The following PTPRK variants were observed in gnomAD, a reference collection of about 807,000 sequenced individuals.
PTPRK encodes the protein protein tyrosine phosphatase receptor type K, also known as receptor-type tyrosine-protein phosphatase kappa.
A neutral mutation model predicts 178.0 loss-of-function variants in PTPRK; 75 were observed. The observed-to-expected ratio is 0.42, with a 90% CI of 0.35 to 0.51. The LOEUF is 0.51. Among genes scored for constraint, PTPRK ranks in the 20% least tolerant of loss-of-function variants. The pLI, the probability that PTPRK is intolerant of heterozygous loss-of-function variation, is 0.02. For synonymous variants in PTPRK, 637 were observed against 620.6 expected (o/e 1.03, Z -0.39); for missense variants, 1,441 against 1,797.8 (o/e 0.80, Z 3.59).
Position 128,009,279 on chromosome 6 carries a change from A to G in PTPRK, c.2195-11T>C, listed in dbSNP as rs772709163. On this transcript the variant is annotated splice_polypyrimidine_tract_variant and intron_variant, in intron 13 of 29. Transcript: ENST00000368226. ...CTTCTGTTGCTGCTGCTAAATGGAT[A>G]AAAAAAAAAATCAGTTACTGAAAGA... 3.3e-6 allele frequency: 3 copies of G among 917,610 alleles called. No individual in the cohort carries two copies. The highest frequency in any genetic ancestry group is 4.2e-5 in the East Asian group (1 of 24,010). 56.8% of individuals were successfully genotyped at this position (917,610 alleles called of 1,614,324 possible). A position where few individuals can be genotyped will look rare whatever the true frequency, so the allele number is the denominator to read the frequency against.
At chr6:128,447,355 G>A (rs1847163902) in intron 1 of PTPRK, among the ~76,000 whole-genome samples, 1 of 152,200 alleles carries the variant, frequency 6.6e-6, no homozygotes, top group Non-Finnish European at 1.5e-5. Flanking sequence ...TCCACCATAT[G>A]TCAGGCACCA....
chr6:128,294,772 CAA>C (rs1336625673), intron 3 of PTPRK, among the ~76,000 whole-genome samples: 2 of 152,016 alleles, frequency 1.3e-5, no homozygotes, highest in Non-Finnish European at 2.9e-5. Context: ...ATGCTAAGTG[CAA>C]AGTTTCCATA....
intron 3 of PTPRK, among the ~76,000 whole-genome samples, chr6:128,292,398 A>T (rs575030272): frequency 4.6e-5 from 7 of 152,248 alleles, no homozygotes; most frequent in African/African-American, 1.4e-4. Flanking sequence ...GAATATTTTT[A>T]AAATATATTA....
At chr6:128,321,528 T>C (rs1416880395) in intron 3 of PTPRK, 2 of 374,108 alleles carry the variant, frequency 5.3e-6, no homozygotes, top group Admixed American at 4.5e-5. Flanking sequence ...ATTTATTCAA[T>C]TAATTAATCA....
intron 3 of PTPRK, among the ~76,000 whole-genome samples, chr6:128,264,161 G>A (rs528250949): frequency 5.3e-5 from 8 of 152,240 alleles, no homozygotes; most frequent in African/African-American, 1.4e-4. Context: ...TCCAGTTAAC[G>A]AAGAAGATGC....
rs1470064505 is a variant in PTPRK at position 127,969,212 on chromosome 6, A to G, written c.*1015T>C. On this transcript the variant is annotated 3_prime_UTR_variant, in exon 30 of 30. Transcript: ENST00000368226. ...AAAATTTAAATGATGCTTAAAGGCTATGTTCAACATTGTGCAAGTTGTCAG... is the reference window on the plus strand; with the variant it reads ...AAAATTTAAATGATGCTTAAAGGCTGTGTTCAACATTGTGCAAGTTGTCAG... 1 of 152,200 alleles carries G rather than the reference A, an allele frequency of 6.6e-6. No homozygotes were observed. The highest frequency in any genetic ancestry group is 1.5e-5 in the Non-Finnish European group (1 of 68,028). 9.4% of individuals were successfully genotyped at this position (152,200 alleles called of 1,614,324 possible). A position where few individuals can be genotyped will look rare whatever the true frequency, so the allele number is the denominator to read the frequency against.
intron 27 of PTPRK, 115 bp from the exon 28 acceptor site, chr6:127,973,942 G>A (rs1774223319): frequency 3.0e-6 from 3 of 1,001,008 alleles, no homozygotes; most frequent in African/African-American, 1.6e-5. Flanking sequence ...GAGTCTAGCT[G>A]ATATAAATCC....
chr6:128,337,696 C>G (rs1190360928), intron 2 of PTPRK, among the ~76,000 whole-genome samples: 1 of 152,134 alleles, frequency 6.6e-6, no homozygotes, highest in Non-Finnish European at 1.5e-5. Context: ...TGCAGCATCA[C>G]ACGAGTAATC....
At chr6:128,405,171 T>C (rs1287339589) in intron 1 of PTPRK, among the ~76,000 whole-genome samples, 1 of 152,184 alleles carries the variant, frequency 6.6e-6, no homozygotes, top group Admixed American at 6.5e-5. Flanking sequence ...CTACAAATAA[T>C]TTTATTTAAA....
At chr6:128,500,545 T>C (rs954550675) in intron 1 of PTPRK, 1 of 152,210 alleles carries the variant, frequency 6.6e-6, no homozygotes, top group African/African-American at 2.4e-5. Context: ...GAGTTTAACG[T>C]CTACTGATCA....
At position 128,245,274 on chromosome 6, in the gene PTPRK, A is replaced by G. The variant is rs545451589; in HGVS notation, c.496-2672T>C. Among the ~76,000 whole-genome samples the G allele has an allele frequency of 1.9e-3, 289 of 152,114 alleles. 1 individual carries two copies. The highest frequency in any genetic ancestry group is 2.4e-3 in the Non-Finnish European group (166 of 67,966). ...TACATTGCTTCTCAAGAAAAAGAAG[A>G]CACAGAGTATTTCATTTAAGTAGAC... On this transcript the variant is annotated intron_variant, in intron 3 of 29. Transcript: ENST00000368226.
At chr6:128,326,924 T>A (rs1359474285) in intron 2 of PTPRK, among the ~76,000 whole-genome samples, 4 of 152,058 alleles carry the variant, frequency 2.6e-5, no homozygotes, top group African/African-American at 9.7e-5. Context: ...ACAAGCGTGT[T>A]TTTTAAATCT....
intron 1 of PTPRK, among the ~76,000 whole-genome samples, chr6:128,418,989 T>A (rs1843149287): frequency 6.6e-6 from 1 of 152,214 alleles, no homozygotes; most frequent in African/African-American, 2.4e-5. Context: ...CTAAGAGCTA[T>A]GCCTTCCTTT....
intron 15 of PTPRK, among the ~76,000 whole-genome samples, chr6:127,999,427 G>T (rs150407428): frequency 3.3e-5 from 5 of 151,978 alleles, no homozygotes; most frequent in Non-Finnish European, 5.9e-5. Context: ...TGGGAAACAT[G>T]GGCATTCCAC....
chr6:128,500,450 A>G (rs1855386527), intron 1 of PTPRK: 1 of 152,090 alleles, frequency 6.6e-6, no homozygotes, highest in South Asian at 2.1e-4. Flanking sequence ...GCATAATTAC[A>G]TTTTTGATTA....
intron 3 of PTPRK, among the ~76,000 whole-genome samples, chr6:128,273,585 A>G (rs1318855337): frequency 1.3e-5 from 2 of 152,144 alleles, no homozygotes; most frequent in African/African-American, 2.4e-5. Flanking sequence ...TCCATCAGAC[A>G]TACAGTCTAA....
intron 13 of PTPRK, among the ~76,000 whole-genome samples, chr6:128,042,695 T>C (rs1777395240): frequency 6.6e-6 from 1 of 152,084 alleles, no homozygotes. Context: ...GAAATTAACA[T>C]CTTTACAGCA....
chr6:128,198,281 C>T (rs553994576), intron 6 of PTPRK, among the ~76,000 whole-genome samples: 2 of 152,104 alleles, frequency 1.3e-5, no homozygotes, highest in South Asian at 2.1e-4. Flanking sequence ...AATGCACTGC[C>T]CTTTCATGAT....
intron 8 of PTPRK, among the ~76,000 whole-genome samples, chr6:128,086,161 C>T (rs1288470193): frequency 6.6e-6 from 1 of 152,110 alleles, no homozygotes; most frequent in East Asian, 1.9e-4. Context: ...GCTATTTCAG[C>T]TACTTTTTTT....
Sources: allele counts gnomAD v4.1 joint callset (sites outside exome capture counted in the v4.1 genomes callset), GRCh38; gene constraint gnomAD v4.1.1; transcripts MANE v1.5; gene names NCBI Gene and HGNC (gene_info 2026-07-23, HGNC 2026-07-21).